Variants in OSTN observed in about 807,000 individuals in gnomAD.
OSTN encodes the protein osteocrin.
Under a neutral mutation model 12.0 loss-of-function variants are expected in OSTN, and 9 were observed. The ratio of observed to expected loss-of-function variants is 0.75; its 90% CI spans 0.45 to 1.30. The LOEUF is 1.30. Ranked by LOEUF, OSTN falls within the 50% of genes most tolerant of loss-of-function variation. The pLI is 0.00. For missense variants in OSTN, 148 were observed against 152.3 expected (o/e 0.97, Z 0.15); for synonymous variants, 59 against 56.9 (o/e 1.04, Z -0.16).
At chr3:191,211,805 C>A (rs1714425121) in intron 1 of OSTN, among the ~76,000 whole-genome samples, 1 of 151,754 alleles carries the variant, frequency 6.6e-6, no homozygotes, top group Non-Finnish European at 1.5e-5. Context: ...TAACTTTGGC[C>A]CATTTTTATT....
At chr3:191,212,868 T>C (rs1714498779) in intron 2 of OSTN, among the ~76,000 whole-genome samples, 2 of 39,614 alleles carry the variant, frequency 5.0e-5, no homozygotes, top group South Asian at 2.9e-3. Flanking sequence ...CTTTTCTTTC[T>C]TTTTTTTTTT....
chr3:191,216,522 A>G (rs941378508), intron 2 of OSTN, among the ~76,000 whole-genome samples: 3 of 150,522 alleles, frequency 2.0e-5, no homozygotes, highest in South Asian at 4.2e-4. Flanking sequence ...CCTTTTAAAC[A>G]TAACTTCTAA....
At chr3:191,205,703 G>C (rs1714257441) in intron 1 of OSTN, among the ~76,000 whole-genome samples, 1 of 151,894 alleles carries the variant, frequency 6.6e-6, no homozygotes, top group South Asian at 2.1e-4. Context: ...TATGTTACTT[G>C]CAACATTTCT....
At position 191,258,524 on chromosome 3, in the gene OSTN, G is replaced by C. The variant is rs531616318; in HGVS notation, c.*13-4342G>C. ...GAGGCAAGGGGAGGGATAGCATTAAGAGAAACACCAAATGCACGCGGGGTT... is the reference window on the plus strand; with the variant it reads ...GAGGCAAGGGGAGGGATAGCATTAACAGAAACACCAAATGCACGCGGGGTT... On this transcript the variant is annotated intron_variant, in intron 4 of 4. Coordinates refer to ENST00000682035, the MANE Select transcript of OSTN (RefSeq NM_198184.2). 3.1e-3 allele frequency among the ~76,000 whole-genome samples: 335 copies of C among 109,712 alleles called. 1 individual carries two copies. The highest frequency in any genetic ancestry group is 0.016 in the African/African-American group (324 of 20,438). The allele number at this position is 109,712 out of a possible 152,430, so 72.0% of individuals were successfully genotyped here.
At chr3:191,224,008 AT>A (rs577440745) in intron 3 of OSTN, among the ~76,000 whole-genome samples, 195 of 152,288 alleles carry the variant, frequency 1.3e-3, no homozygotes, top group African/African-American at 4.5e-3. Context: ...AGAAAAAAAA[AT>A]AACTTAAAAA....
chr3:191,242,612 C>T (rs1329952773), intron 3 of OSTN, among the ~76,000 whole-genome samples: 1 of 151,988 alleles, frequency 6.6e-6, no homozygotes, highest in Non-Finnish European at 1.5e-5. Flanking sequence ...TCAATCTGAT[C>T]GGAACTCCTG....
intron 3 of OSTN, among the ~76,000 whole-genome samples, chr3:191,232,608 T>C (rs577550667): frequency 2.6e-5 from 4 of 151,010 alleles, no homozygotes; most frequent in Admixed American, 2.6e-4. Context: ...AATCATTTTT[T>C]TTTTTTTTTG....
intron 1 of OSTN, among the ~76,000 whole-genome samples, chr3:191,207,875 A>G (rs1355162357): frequency 6.6e-6 from 1 of 152,228 alleles, no homozygotes; most frequent in Non-Finnish European, 1.5e-5. Context: ...CATTCTAGCC[A>G]GTTTGAAAGA....
At chr3:191,201,919 C>T (rs7619424) in intron 1 of OSTN, among the ~76,000 whole-genome samples, 60,830 of 151,952 alleles carry the variant, frequency 0.4, 12,849 homozygotes, top group African/African-American at 0.54. Context: ...GCTGATTTAC[C>T]CAGATTACTT....
chr3:191,262,034 T>C (rs7631026), intron 4 of OSTN, among the ~76,000 whole-genome samples: 70,032 of 151,650 alleles, frequency 0.46, 17,096 homozygotes, highest in Non-Finnish European at 0.54. Context: ...CCGGCGAACA[T>C]GGTGAAACCT....
At chr3:191,253,360 A>C (rs1176100433) in intron 4 of OSTN, among the ~76,000 whole-genome samples, 1 of 152,188 alleles carries the variant, frequency 6.6e-6, no homozygotes, top group Non-Finnish European at 1.5e-5. Flanking sequence ...TATGATGCCT[A>C]CTATAGGGGC....
intron 3 of OSTN, among the ~76,000 whole-genome samples, chr3:191,221,369 A>G (rs1281978890): frequency 6.6e-6 from 1 of 152,066 alleles, no homozygotes; most frequent in Non-Finnish European, 1.5e-5. Context: ...AGGTTGGAAC[A>G]GTTTGGAGGG....
chr3:191,215,329 A>G (rs913848827), intron 2 of OSTN, among the ~76,000 whole-genome samples: 2 of 152,148 alleles, frequency 1.3e-5, no homozygotes, highest in Non-Finnish European at 2.9e-5. Flanking sequence ...TCAAGATGAG[A>G]TTTTTGGTAG....
intron 2 of OSTN, among the ~76,000 whole-genome samples, chr3:191,218,220 A>G (rs933890153): frequency 6.6e-6 from 1 of 152,208 alleles, no homozygotes; most frequent in Non-Finnish European, 1.5e-5. Flanking sequence ...AAAGCATTCC[A>G]GGAGTTTTTC....
At chr3:191,218,594 A>G (rs1714682086) in intron 2 of OSTN, among the ~76,000 whole-genome samples, 153 bp from the exon 3 acceptor site, 1 of 152,206 alleles carries the variant, frequency 6.6e-6, no homozygotes. Flanking sequence ...TTGCACCCCA[A>G]CCTTGACAAC....
At chr3:191,231,060 G>A (rs1715042977) in intron 3 of OSTN, among the ~76,000 whole-genome samples, 1 of 152,076 alleles carries the variant, frequency 6.6e-6, no homozygotes, top group Admixed American at 6.6e-5. Context: ...ATGCATTCAA[G>A]TTAAATTCCA....
chr3:191,208,666 T>C (rs1403580417), intron 1 of OSTN, among the ~76,000 whole-genome samples: 1 of 152,172 alleles, frequency 6.6e-6, no homozygotes, highest in East Asian at 1.9e-4. Context: ...TCCTGTACCA[T>C]TTATAAGATT....
Position 191,259,499 on chromosome 3 carries a change from AT to A in OSTN, c.*13-3356del, listed in dbSNP as rs34400942. Among the ~76,000 whole-genome samples, 13 of 149,464 alleles carry A rather than the reference AT, an allele frequency of 8.7e-5. 1 individual carries two copies. Among genetic ancestry groups the A allele is most frequent in the South Asian group, 2.1e-4 (1 of 4,742 alleles). ...TACAGGCGTGAGCCACCTTGCCTGG[AT>A]TTTTTTTTTTAACCAAAATACACTC... is the stretch of plus-strand genomic sequence containing the variant. On this transcript the variant is annotated intron_variant, in intron 4 of 4. Coordinates refer to ENST00000682035, the MANE Select transcript of OSTN (RefSeq NM_198184.2).
chr3:191,205,099 CAATATT>C (rs1334828976), intron 1 of OSTN, among the ~76,000 whole-genome samples: 5 of 151,964 alleles, frequency 3.3e-5, no homozygotes, highest in African/African-American at 1.2e-4. Context: ...TTTTAGGAAA[CAATATT>C]AAATATAAAC....
Sources: allele counts gnomAD v4.1 joint callset (sites outside exome capture counted in the v4.1 genomes callset), GRCh38; gene constraint gnomAD v4.1.1; transcripts MANE v1.5; gene names NCBI Gene and HGNC (gene_info 2026-07-23, HGNC 2026-07-21).